ALDH1A1: variants seen among roughly 807,000 people sequenced by gnomAD.
ALDH1A1 encodes the protein aldehyde dehydrogenase 1 family member A1.
Under a neutral mutation model 62.1 loss-of-function variants are expected in ALDH1A1, and 19 were observed. The observed-to-expected ratio is 0.31, with a 90% CI of 0.21 to 0.45. The LOEUF (loss-of-function observed/expected upper bound fraction) is 0.45, where lower values mean the gene tolerates loss of function less well. Among genes scored for constraint, ALDH1A1 ranks in the 20% least tolerant of loss-of-function variants. The pLI, the probability that ALDH1A1 is intolerant of heterozygous loss-of-function variation, is 1.00. For missense variants in ALDH1A1, 521 were observed against 607.1 expected (o/e 0.86, Z 1.49); for synonymous variants, 231 against 215.9 (o/e 1.07, Z -0.61).
intron 2 of ALDH1A1, among the ~76,000 whole-genome samples, chr9:72,936,613 C>G (rs1310060587): frequency 6.6e-5 from 10 of 152,028 alleles, no homozygotes; most frequent in Admixed American, 6.6e-4. Flanking sequence ...GGCGTTCATT[C>G]TTCTTTGAAA....
At chr9:72,914,106 TAGGTCATG>T (rs955794234) in intron 9 of ALDH1A1, among the ~76,000 whole-genome samples, 149 of 152,230 alleles carry the variant, frequency 9.8e-4, no homozygotes, top group African/African-American at 3.5e-3. Flanking sequence ...ATGTATTAGG[TAGGTCATG>T]ATATGGTAAC....
In ALDH1A1 at chr9:72,940,218, C is replaced by G. The variant is rs767050672; in HGVS notation, c.101G>C (p.Ser34Thr). Residue 34 changes from serine (S) to threonine (T), a missense_variant, in exon 2 of 13, where the codon AGT becomes ACT. Physicochemically the swap from Ser to Thr is moderately conservative, Grantham distance 58. Transcript: ENST00000297785. ...ATTAAAGACAGGAAATTTCTTGCCA[C>G]TCACTGAATCATGCCATTCATTGTT... ...FINNEWHDSV[S>T]GKKFPVFNPA... 5 of 1,613,704 alleles carry G rather than the reference C, an allele frequency of 3.1e-6. No homozygotes were observed. The Admixed American group carries it at 8.3e-5, about 27-fold the overall frequency.
intron 7 of ALDH1A1, among the ~76,000 whole-genome samples, chr9:72,919,865 TG>T (rs1226006628): frequency 6.6e-6 from 1 of 152,214 alleles, no homozygotes; most frequent in East Asian, 1.9e-4. Context: ...AGGAAGACTT[TG>T]TTTTCAATTA....
At chr9:72,909,024 A>C (rs1829943164) in intron 11 of ALDH1A1, among the ~76,000 whole-genome samples, 1 of 152,264 alleles carries the variant, frequency 6.6e-6, no homozygotes, top group South Asian at 2.1e-4. Flanking sequence ...GCATAGTACC[A>C]CGTGCTCAGA....
intron 7 of ALDH1A1, among the ~76,000 whole-genome samples, chr9:72,923,394 TC>T (rs1378367856): frequency 6.6e-6 from 1 of 152,210 alleles, no homozygotes; most frequent in Non-Finnish European, 1.5e-5. Context: ...TCCACCACTT[TC>T]TTTTGCTTAG....
intron 7 of ALDH1A1, among the ~76,000 whole-genome samples, chr9:72,922,607 G>GA (rs200678842): frequency 2.8e-4 from 43 of 150,922 alleles, no homozygotes; most frequent in Middle Eastern, 3.4e-3. Context: ...TGATGAGAAT[G>GA]AAAAAAAAAT....
rs565028803 is a variant in ALDH1A1 at position 72,934,573 on chromosome 9, C to T, written c.172-3554G>A. Among the ~76,000 whole-genome samples, 6 of 152,198 alleles carry T rather than the reference C, an allele frequency of 3.9e-5. No individual in the cohort carries two copies. In the South Asian group the frequency reaches 1.2e-3, roughly 32 times the overall value. ...ACCCAACTCCTTCTTACTTTTGTGT[C>T]TGTAGTTCTCCTTGCCTAGAATATT... On this transcript the variant is annotated intron_variant, in intron 2 of 12. Coordinates refer to ENST00000297785, the MANE Select transcript of ALDH1A1 (RefSeq NM_000689.5).
chr9:72,904,304 C>G lies in ALDH1A1; in HGVS notation c.1433+1654G>C, dbSNP rs527902178. 7.2e-5 allele frequency among the ~76,000 whole-genome samples: 11 copies of G among 152,250 alleles called. No homozygotes were observed. The East Asian group carries it at 2.1e-3, about 29-fold the overall frequency. On this transcript the variant is annotated intron_variant, in intron 12 of 12. Coordinates refer to ENST00000297785, the MANE Select transcript of ALDH1A1 (RefSeq NM_000689.5). ...TCCTAAATATATCCATGGCTTTTCA[C>G]TACTCCACTAATAAAATCTAAGTCA...
chr9:72,924,284 T>C (rs1481907102), intron 6 of ALDH1A1, 152 bp from the exon 7 acceptor site: 2 of 572,286 alleles, frequency 3.5e-6, no homozygotes, highest in Non-Finnish European at 6.1e-6. Context: ...AGTCTTATTA[T>C]GTCATTTCTA....
At chr9:72,950,215 G>A (rs1026999850) in intron 1 of ALDH1A1, among the ~76,000 whole-genome samples, 1 of 151,700 alleles carries the variant, frequency 6.6e-6, no homozygotes, top group Non-Finnish European at 1.5e-5. Context: ...TACTTTCATC[G>A]ACCTTAGAAA....
chr9:72,949,072 A>C (rs1830507630), intron 1 of ALDH1A1, among the ~76,000 whole-genome samples: 1 of 151,914 alleles, frequency 6.6e-6, no homozygotes, highest in African/African-American at 2.4e-5. Context: ...AATCTAGGAA[A>C]GCAATCTCCT....
chr9:72,943,952 A>G (rs1455352992), intron 1 of ALDH1A1, among the ~76,000 whole-genome samples: 1 of 151,906 alleles, frequency 6.6e-6, no homozygotes, highest in East Asian at 1.9e-4. Flanking sequence ...GAAAGAAGGA[A>G]AAAAAAAGAG....
chr9:72,943,909 A>G (rs8187892), intron 1 of ALDH1A1, among the ~76,000 whole-genome samples: 313 of 152,056 alleles, frequency 2.1e-3, no homozygotes, highest in African/African-American at 7.2e-3. Flanking sequence ...AGGCTGAAAG[A>G]ATGCTTCTTT....
chr9:72,930,827 G>A, intron 3 of ALDH1A1, 52 bp downstream of exon 3: 2 of 1,607,872 alleles, frequency 1.2e-6, no homozygotes, highest in South Asian at 2.2e-5. Context: ...CATTTCAAAC[G>A]CTGAATGCTT....
intron 9 of ALDH1A1, 66 bp downstream of exon 9, chr9:72,916,854 C>G: frequency 7.6e-7 from 1 of 1,319,074 alleles, no homozygotes; most frequent in Non-Finnish European, 1.0e-6. Context: ...TCAATAAAAT[C>G]TAGGTCTAAA....
rs150838266 is a variant in ALDH1A1 at position 72,901,349 on chromosome 9, T to A, written c.1434-69A>T. On this transcript the variant is annotated intron_variant, in intron 12 of 12. Transcript: ENST00000297785. ...CAGTATAAATATACTGTAGTTCATG[T>A]TTGGTACGAGTTTGTTCTTGTTTTA... 121 of 1,121,862 alleles carry A rather than the reference T, an allele frequency of 1.1e-4. No individual in the cohort carries two copies. In the African/African-American group the frequency reaches 1.7e-3, roughly 15 times the overall value. The allele number at this position is 1,121,862 out of a possible 1,614,324, so 69.5% of individuals were successfully genotyped here.
At chr9:72,939,550 C>CTTTTTTT (rs111546946) in intron 2 of ALDH1A1, among the ~76,000 whole-genome samples, 1 of 146,566 alleles carries the variant, frequency 6.8e-6, no homozygotes, top group South Asian at 2.1e-4. Context: ...TTTTCCTTTT[C>CTTTTTTT]TTTTTTTTTT....
chr9:72,906,116 G>C (rs1297909448), intron 11 of ALDH1A1, 84 bp from the exon 12 acceptor site: 33 of 967,498 alleles, frequency 3.4e-5, no homozygotes, highest in Non-Finnish European at 1.6e-6. Context: ...AATTTGGAAA[G>C]CTCCTTACAA....
chr9:72,905,935 T>G, intron 12 of ALDH1A1, 23 bp downstream of exon 12: 7 of 1,546,834 alleles, frequency 4.5e-6, no homozygotes, highest in Non-Finnish European at 6.2e-6. Context: ...TAAATATTTA[T>G]CTTAATAGAA....
Sources: gnomAD v4.1 joint callset for allele counts (sites outside exome capture counted in the v4.1 genomes callset) on GRCh38, gnomAD v4.1.1 for gene constraint, MANE v1.5 for transcripts, NCBI Gene and HGNC (gene_info 2026-07-23, HGNC 2026-07-21) for gene names.